SNX29: variants seen among roughly 807,000 people sequenced by gnomAD.
The protein encoded by SNX29 is sorting nexin 29.
Under a neutral mutation model 102.1 loss-of-function variants are expected in SNX29, and 78 were observed. The ratio of observed to expected loss-of-function variants is 0.76; its 90% CI spans 0.64 to 0.92. SNX29 has a LOEUF of 0.92. SNX29 is among the 40% of genes least tolerant of loss of function. The pLI is 0.00. For missense variants in SNX29, 1,280 were observed against 1,061.7 expected, an observed-to-expected ratio of 1.21 and a Z score of -2.86; for synonymous variants, 580 against 414.5, an observed-to-expected ratio of 1.40 and a Z score of -4.85.
chr16:12,034,155 A>G (rs2057413517), intron 4 of SNX29, among the ~76,000 whole-genome samples: 1 of 152,208 alleles, frequency 6.6e-6, no homozygotes, highest in Admixed American at 6.5e-5. Context: ...ATTGCACTCA[A>G]AGCAGAATTT....
intron 20 of SNX29, among the ~76,000 whole-genome samples, chr16:12,530,285 T>C (rs1202039191): frequency 6.6e-6 from 1 of 152,192 alleles, no homozygotes; most frequent in Non-Finnish European, 1.5e-5. Flanking sequence ...AAGCACTGTA[T>C]GTGTGTCACT....
chr16:12,388,994 C>T (rs113680669), intron 16 of SNX29, among the ~76,000 whole-genome samples: 7 of 152,132 alleles, frequency 4.6e-5, no homozygotes, highest in Non-Finnish European at 5.9e-5. Flanking sequence ...TCAGACCTGC[C>T]GCTTAAACAT....
chr16:12,531,899 C>G (rs892267992), intron 20 of SNX29, among the ~76,000 whole-genome samples: 4 of 152,208 alleles, frequency 2.6e-5, no homozygotes, highest in Admixed American at 6.5e-5. Flanking sequence ...GTCTTCTCCC[C>G]TCTCACGTCA....
intron 13 of SNX29, among the ~76,000 whole-genome samples, chr16:12,175,863 A>G (rs970610011): frequency 1.5e-4 from 23 of 151,974 alleles, no homozygotes; most frequent in Non-Finnish European, 2.6e-4. Context: ...TAAAAAAAAA[A>G]TTAGCCATGG....
chr16:12,269,716 G>A (rs1461116359), intron 14 of SNX29, among the ~76,000 whole-genome samples: 1 of 152,154 alleles, frequency 6.6e-6, no homozygotes, highest in East Asian at 1.9e-4. Flanking sequence ...ATGTCTTGAA[G>A]CCTTCTATTT....
At chr16:12,547,335 G>A (rs1028768277) in intron 20 of SNX29, among the ~76,000 whole-genome samples, 1 of 152,192 alleles carries the variant, frequency 6.6e-6, no homozygotes, top group African/African-American at 2.4e-5. Context: ...AGGCCTTGCA[G>A]CCAAGGGAAC....
intron 3 of SNX29, among the ~76,000 whole-genome samples, chr16:12,009,084 T>A (rs114778770): frequency 1.3e-5 from 2 of 152,320 alleles, no homozygotes; most frequent in African/African-American, 4.8e-5. Flanking sequence ...CATATGATGC[T>A]AGTTTACCAT....
intron 13 of SNX29, among the ~76,000 whole-genome samples, chr16:12,141,638 G>C (rs1402747961): frequency 6.6e-6 from 1 of 152,226 alleles, no homozygotes; most frequent in African/African-American, 2.4e-5. Context: ...CCCACTTTTA[G>C]ACCATGTAGG....
intron 7 of SNX29, among the ~76,000 whole-genome samples, chr16:12,048,993 A>T (rs2050199054): frequency 3.3e-5 from 5 of 152,214 alleles, no homozygotes; most frequent in African/African-American, 1.2e-4. Flanking sequence ...GGTAGCCTGC[A>T]GTCTCCTTTG....
At chr16:12,224,702 G>T (rs2077565253) in intron 14 of SNX29, among the ~76,000 whole-genome samples, 1 of 152,216 alleles carries the variant, frequency 6.6e-6, no homozygotes, top group Non-Finnish European at 1.5e-5. Flanking sequence ...GTGGATCTTT[G>T]TCTAGGCAAG....
intron 19 of SNX29, among the ~76,000 whole-genome samples, chr16:12,512,623 G>A (rs1443491639): frequency 6.8e-6 from 1 of 147,764 alleles, no homozygotes; most frequent in Non-Finnish European, 1.5e-5. Context: ...AGGGAGACGA[G>A]CATCCCATGG....
chr16:12,522,287 G>T (rs1448027528), intron 19 of SNX29, among the ~76,000 whole-genome samples: 2 of 152,144 alleles, frequency 1.3e-5, no homozygotes, highest in Non-Finnish European at 2.9e-5. Flanking sequence ...AATTTCACTG[G>T]GTGCCGTGTA....
At chr16:12,279,369 G>A (rs1275810226) in intron 15 of SNX29, among the ~76,000 whole-genome samples, 45 of 152,074 alleles carry the variant, frequency 3.0e-4, no homozygotes, top group Non-Finnish European at 1.5e-4. Context: ...GGTGGCTTTA[G>A]AAACAGCTTG....
intron 13 of SNX29, among the ~76,000 whole-genome samples, chr16:12,170,032 C>T (rs549973030): frequency 1.3e-5 from 2 of 152,250 alleles, no homozygotes; most frequent in South Asian, 4.2e-4. Context: ...GCTCTCCGTG[C>T]CGACACTTGG....
chr16:12,020,171 A>G (rs1051638743), intron 3 of SNX29, among the ~76,000 whole-genome samples: 1 of 151,688 alleles, frequency 6.6e-6, no homozygotes, highest in Non-Finnish European at 1.5e-5. Flanking sequence ...CACCCATGCT[A>G]AAGTGCAGTG....
At chr16:12,208,474 T>C (rs1178916660) in intron 14 of SNX29, among the ~76,000 whole-genome samples, 1 of 152,206 alleles carries the variant, frequency 6.6e-6, no homozygotes, top group Non-Finnish European at 1.5e-5. Context: ...AAGAATGTGC[T>C]AGCAACATGT....
chr16:12,227,280 C>G (rs1414326102), intron 14 of SNX29, among the ~76,000 whole-genome samples: 1 of 152,184 alleles, frequency 6.6e-6, no homozygotes, highest in African/African-American at 2.4e-5. Context: ...TAGCGCATTT[C>G]TCACCTTTTC....
At chr16:12,460,603 T>C (rs9936150) in intron 18 of SNX29, among the ~76,000 whole-genome samples, 47,763 of 151,510 alleles carry the variant, frequency 0.32, 7,574 homozygotes, top group South Asian at 0.42. Flanking sequence ...ATAACACTTA[T>C]TCCACTGGAC....
chr16:12,573,876 T>C lies in SNX29; in HGVS notation c.*5247T>C, dbSNP rs1236544794. 3 of 208,316 alleles carry C rather than the reference T, an allele frequency of 1.4e-5. No individual in the cohort carries two copies. Among genetic ancestry groups the C allele is most frequent in the African/African-American group, 6.8e-5 (3 of 43,934 alleles). The allele number at this position is 208,316 out of a possible 1,614,324, so 12.9% of individuals were successfully genotyped here. A position where few individuals can be genotyped will look rare whatever the true frequency, so the allele number is the denominator to read the frequency against. On this transcript the variant is annotated 3_prime_UTR_variant, in exon 21 of 21. Coordinates refer to ENST00000566228, the MANE Select transcript of SNX29 (RefSeq NM_032167.5). The stretch of plus-strand genomic sequence containing the variant: ...AAGAATGTTGGCCTCTCTTCATCCC[T>C]GGCTTAGCCGTCAGGTAGAACGCTT...
Sources: gnomAD v4.1 joint callset for allele counts (sites outside exome capture counted in the v4.1 genomes callset) on GRCh38, gnomAD v4.1.1 for gene constraint, MANE v1.5 for transcripts, NCBI Gene and HGNC (gene_info 2026-07-23, HGNC 2026-07-21) for gene names.